ASB14: variants seen among roughly 807,000 people sequenced by gnomAD.
ASB14 encodes ankyrin repeat and SOCS box containing 14, also known as ankyrin repeat and SOCS box protein 14.
Under a neutral mutation model 55.6 loss-of-function variants are expected in ASB14, and 63 were observed. The ratio of observed to expected loss-of-function variants is 1.13; its 90% CI spans 0.92 to 1.40. ASB14 has a LOEUF of 1.40. Ranked by LOEUF, ASB14 falls within the 40% of genes most tolerant of loss-of-function variation. ASB14 has a pLI of 0.00. For synonymous variants in ASB14, 256 were observed against 259.9 expected (o/e 0.98, Z 0.15); for missense variants, 724 against 710.4 (o/e 1.02, Z -0.22).
intron 5 of ASB14, among the ~76,000 whole-genome samples, chr3:57,283,837 A>T (rs199696103): frequency 4.7e-4 from 8 of 17,012 alleles, no homozygotes; most frequent in African/African-American, 6.5e-4. Flanking sequence ...GCCAAAAATT[A>T]AAAAAAAAAC....
chr3:57,269,381 T>G lies in ASB14; in HGVS notation c.*260A>C. The G allele has an allele frequency of 1.7e-6, 1 of 602,616 alleles. No individual in the cohort carries two copies. Among genetic ancestry groups the G allele is most frequent in the Non-Finnish European group, 2.7e-6 (1 of 370,938 alleles). The allele number at this position is 602,616 out of a possible 1,614,324, so 37.3% of individuals were successfully genotyped here. On this transcript the variant is annotated 3_prime_UTR_variant, in exon 11 of 11. Transcript: ENST00000487349. Reference sequence around the variant, plus strand: ...GATGGTGCCAAAATTCATTTTGGTGTTGTATTGTTTGGGTGTAGCTTTTCT... The same window carrying G: ...GATGGTGCCAAAATTCATTTTGGTGGTGTATTGTTTGGGTGTAGCTTTTCT...
chr3:57,280,891 C>T (rs1292415538), intron 6 of ASB14, among the ~76,000 whole-genome samples: 1 of 152,072 alleles, frequency 6.6e-6, no homozygotes, highest in Non-Finnish European at 1.5e-5. Flanking sequence ...TGGAAAAGGG[C>T]ATTTGTTCTG....
Position 57,268,594 on chromosome 3 carries a change from T to A in ASB14, c.*1047A>T. 7.7e-7 allele frequency: 1 copy of A among 1,295,362 alleles called. No individual in the cohort carries two copies. Among genetic ancestry groups the A allele is most frequent in the Non-Finnish European group, 1.0e-6 (1 of 971,882 alleles). The allele number at this position is 1,295,362 out of a possible 1,614,324, so 80.2% of individuals were successfully genotyped here. On this transcript the variant is annotated 3_prime_UTR_variant, in exon 11 of 11. Coordinates refer to ENST00000487349, the MANE Select transcript of ASB14 (RefSeq NM_001142733.3). ...CAAATGAAGGGCTGTTTCTGCTTGT[T>A]CAGCCACTTCATAAACAGATGATTC...
intron 9 of ASB14, 33 bp downstream of exon 9, chr3:57,277,734 T>G (rs1393141983): frequency 6.4e-7 from 1 of 1,561,972 alleles, no homozygotes; most frequent in Non-Finnish European, 8.7e-7. Flanking sequence ...TTAGTACTTT[T>G]GTAAAAAGTC....
chr3:57,288,292 A>G lies in ASB14; in HGVS notation c.179-6T>C. ...TGACAATGCATCTTCCTTACCTATT[A>G]ACGAGTCAAATGAGAACAGATTCAC... On this transcript the variant is annotated splice_region_variant and splice_polypyrimidine_tract_variant and intron_variant, in intron 3 of 10. Coordinates refer to ENST00000487349, the MANE Select transcript of ASB14 (RefSeq NM_001142733.3). The G allele has an allele frequency of 1.3e-6, 2 of 1,536,994 alleles. No homozygotes were observed. Among genetic ancestry groups the G allele is most frequent in the Non-Finnish European group, 1.7e-6 (2 of 1,146,678 alleles).
At chr3:57,279,020 CA>C (rs2061014723) in intron 7 of ASB14, 100 bp from the exon 8 acceptor site, 2 of 1,149,694 alleles carry the variant, frequency 1.7e-6, no homozygotes, top group Non-Finnish European at 2.4e-6. Flanking sequence ...TATCAGTATT[CA>C]GGGGGCATTT....
rs1407049941 is a variant in ASB14, at chr3:57,278,883, C to T, written c.925G>A (p.Ala309Thr). 2 of 1,613,618 alleles carry T rather than the reference C, an allele frequency of 1.2e-6. No individual in the cohort carries two copies. The highest frequency in any genetic ancestry group is 3.3e-5 in the Admixed American group (2 of 60,004). ...KILIPVTDLA[A>T]IKQSGISPVH... ...GGACTGATCCCACTCTGCTTAATGG[C>T]AGCAAGATCCGTAACTGGAATCAGT... The change falls in exon 8 of 11, where the codon GCC (alanine) becomes ACC (threonine). Residue 309 changes from alanine to threonine, a missense_variant. Physicochemically the swap from Ala to Thr is moderately conservative, Grantham distance 58. Coordinates refer to ENST00000487349, the MANE Select transcript of ASB14 (RefSeq NM_001142733.3).
chr3:57,285,301 C>T (rs1243809342), intron 5 of ASB14, among the ~76,000 whole-genome samples: 1 of 150,258 alleles, frequency 6.7e-6, no homozygotes, highest in Non-Finnish European at 1.5e-5. Context: ...GAGCCAATTA[C>T]TGTGAAGTCC....
chr3:57,275,775 T>C (rs1035406190), intron 10 of ASB14, among the ~76,000 whole-genome samples: 4 of 152,248 alleles, frequency 2.6e-5, no homozygotes, highest in Admixed American at 2.6e-4. Context: ...ATGTGTTATA[T>C]AGCCTGTTGC....
At position 57,280,299 on chromosome 3, in the gene ASB14, A is replaced by C. The variant is rs1401781856; in HGVS notation, c.887+3T>G. 1.3e-6 allele frequency: 2 copies of C among 1,541,088 alleles called. No homozygotes were observed. Among genetic ancestry groups the C allele is most frequent in the African/African-American group, 1.4e-5 (1 of 72,792 alleles). ...TATTTATAATAATGTAATTGAACTT[A>C]ACAGTAAGTGGCCCCTGTCAGCTGC... On this transcript the variant is annotated splice_donor_region_variant and intron_variant, in intron 7 of 10. Transcript: ENST00000487349.
chr3:57,270,409 C>T (rs553218130), intron 10 of ASB14: 2 of 152,714 alleles, frequency 1.3e-5, no homozygotes, highest in South Asian at 4.1e-4. Flanking sequence ...ACTTCAATTA[C>T]TGCTGCAGAG....
At chr3:57,287,707 T>C (rs1187439353) in intron 5 of ASB14, among the ~76,000 whole-genome samples, 194 bp downstream of exon 5, 2 of 152,174 alleles carry the variant, frequency 1.3e-5, no homozygotes, top group East Asian at 3.8e-4. Flanking sequence ...TGCTCTTAAC[T>C]GGGCAGAGGT....
intron 3 of ASB14, 155 bp downstream of exon 3, chr3:57,288,913 T>G (rs1191822485): frequency 2.0e-6 from 1 of 506,976 alleles, no homozygotes; most frequent in African/African-American, 2.0e-5. Flanking sequence ...ACAGGGGGTT[T>G]CACCATGTTG....
intron 5 of ASB14, among the ~76,000 whole-genome samples, chr3:57,286,603 G>A (rs2061082679): frequency 6.6e-6 from 1 of 152,150 alleles, no homozygotes. Flanking sequence ...CTGCTGAGGT[G>A]CTGAATCAGT....
chr3:57,276,681 A>G lies in ASB14; in HGVS notation c.1633T>C (p.Cys545Arg). The change falls in exon 10 of 11, where the codon TGC becomes CGC. Residue 545 changes from cysteine (C) to arginine (R), a missense_variant. Cys to Arg is a radical substitution (Grantham distance 180). Transcript: ENST00000487349. ...CAGCGCAAATGTAACCGTCCCATGC[A>G]TTTCCGGATCTTTAGGCGGCACAAA... ...KHLCRLKIRK[C>R]MGRLHLRCPV... 1.2e-6 allele frequency: 2 copies of G among 1,614,074 alleles called. No homozygotes were observed. The highest frequency in any genetic ancestry group is 1.7e-6 in the Non-Finnish European group (2 of 1,179,978).
At chr3:57,273,378 G>T (rs1252651469) in intron 10 of ASB14, 1 of 152,492 alleles carries the variant, frequency 6.6e-6, no homozygotes, top group Non-Finnish European at 1.5e-5. Flanking sequence ...GTCACAATAG[G>T]TATATACTGA....
At chr3:57,292,201 A>C (rs1054580227) in intron 1 of ASB14, 97 bp from the exon 2 acceptor site, 1 of 886,694 alleles carries the variant, frequency 1.1e-6, no homozygotes, top group Non-Finnish European at 1.5e-6. Flanking sequence ...ATTCACTAAA[A>C]AATTTCTATA....
Position 57,277,875 on chromosome 3 carries a change from T to C in ASB14, c.1477A>G (p.Lys493Glu). ...TLSWLQHLSG[K>E]VVRVMLDYVD... ...TAATCAAGCATCACTCGAACAACCT[T>C]TCCAGAGAGATGTTGCAGCCATGAC... is the stretch of plus-strand genomic sequence containing the variant. The change falls in exon 9 of 11, where the codon AAG becomes GAG. Residue 493 changes from lysine to glutamate, a missense_variant. By Grantham distance (56) the Lys-to-Glu change is moderately conservative. Transcript: ENST00000487349. 2.5e-6 allele frequency: 4 copies of C among 1,613,950 alleles called. No individual in the cohort carries two copies. The South Asian group carries it at 3.3e-5, about 13-fold the overall frequency.
chr3:57,277,836 G>C lies in ASB14; in HGVS notation c.1516C>G (p.Arg506Gly), dbSNP rs147855564. Reference protein sequence around the residue: ...RVMLDYVDQVRICSKLKAVLQ... With the variant: ...RVMLDYVDQVGICSKLKAVLQ... ...ACAGCTTTCAACTTTGAACAGATCC[G>C]AACTTGATCAACATAATCAAGCATC... is the stretch of plus-strand genomic sequence containing the variant. The change falls in exon 9 of 11, where the codon CGG becomes GGG. Residue 506 changes from arginine (R) to glycine (G), a missense_variant. Physicochemically the swap from Arg to Gly is moderately radical, Grantham distance 125. Transcript: ENST00000487349. 5.6e-6 allele frequency: 9 copies of C among 1,613,686 alleles called. No homozygotes were observed. In the South Asian group the frequency reaches 9.9e-5, roughly 18 times the overall value.
Sources: allele counts gnomAD v4.1 joint callset (sites outside exome capture counted in the v4.1 genomes callset), GRCh38; gene constraint gnomAD v4.1.1; transcripts MANE v1.5; gene names NCBI Gene and HGNC (gene_info 2026-07-23, HGNC 2026-07-21).